Variants in LIPC observed in about 807,000 individuals in gnomAD.
The protein encoded by LIPC is hepatic triacylglycerol lipase.
Under a neutral mutation model 50.7 loss-of-function variants are expected in LIPC, and 44 were observed. The observed-to-expected ratio is 0.87, with a 90% CI of 0.68 to 1.11. The LOEUF (loss-of-function observed/expected upper bound fraction) is 1.11, where lower values mean the gene tolerates loss of function less well. Among genes scored for constraint, LIPC ranks in the 50% most tolerant of loss-of-function variants. The probability of loss-of-function intolerance (pLI) is 0.00; values close to 1 mark genes in which losing one functional copy is unlikely to be tolerated. For missense variants in LIPC, 697 were observed against 648.2 expected (o/e 1.08, Z -0.82); for synonymous variants, 271 against 256.4 (o/e 1.06, Z -0.54).
At chr15:58,470,299 A>G (rs1894747285) in intron 1 of LIPC, among the ~76,000 whole-genome samples, 1 of 152,162 alleles carries the variant, frequency 6.6e-6, no homozygotes, top group South Asian at 2.1e-4. Flanking sequence ...GGTGTTTCCT[A>G]TGTACAAAAC....
intron 1 of LIPC, among the ~76,000 whole-genome samples, chr15:58,508,292 G>A (rs905908216): frequency 6.6e-6 from 1 of 152,072 alleles, no homozygotes; most frequent in Non-Finnish European, 1.5e-5. Context: ...TCTTATTTCA[G>A]CATGTCAAAG....
At chr15:58,515,306 A>G (rs1032183606) in intron 1 of LIPC, among the ~76,000 whole-genome samples, 1 of 152,152 alleles carries the variant, frequency 6.6e-6, no homozygotes, top group Non-Finnish European at 1.5e-5. Context: ...TATTCAGCCT[A>G]CCATAAACTG....
At chr15:58,489,347 G>A (rs1891499966) in intron 1 of LIPC, among the ~76,000 whole-genome samples, 1 of 151,826 alleles carries the variant, frequency 6.6e-6, no homozygotes, top group Non-Finnish European at 1.5e-5. Context: ...CCACGCTATT[G>A]TAGTAGAGTT....
intron 1 of LIPC, among the ~76,000 whole-genome samples, chr15:58,443,885 G>T (rs1228796394): frequency 6.6e-6 from 1 of 152,150 alleles, no homozygotes; most frequent in Non-Finnish European, 1.5e-5. Flanking sequence ...CATTCTCAAG[G>T]GTGGGGAGAG....
At chr15:58,489,218 G>C (rs1046918772) in intron 1 of LIPC, among the ~76,000 whole-genome samples, 2 of 32,652 alleles carry the variant, frequency 6.1e-5, no homozygotes, top group Non-Finnish European at 1.5e-4. Context: ...ATTTTGTTGC[G>C]GGGGCGGGGG....
At chr15:58,443,959 G>T (rs1893595712) in intron 1 of LIPC, among the ~76,000 whole-genome samples, 2 of 152,096 alleles carry the variant, frequency 1.3e-5, no homozygotes, top group South Asian at 4.1e-4. Context: ...TTAGGGTGGG[G>T]CAGAAACAAA....
Position 58,560,844 on chromosome 15 carries a change from C to T in LIPC, c.1052-20C>T, listed in dbSNP as rs751459354. The T allele has an allele frequency of 2.2e-6, 2 of 901,416 alleles. No individual in the cohort carries two copies. Among genetic ancestry groups the T allele is most frequent in the East Asian group, 2.4e-5 (1 of 41,786 alleles). The allele number at this position is 901,416 out of a possible 1,614,324, so 55.8% of individuals were successfully genotyped here. ...CTGCTTAAATTATCTCTCTCTTTCT[C>T]TCTCTGTCTCTCTCTCTAGTTTATC... On this transcript the variant is annotated intron_variant, in intron 6 of 8. Coordinates refer to ENST00000299022, the MANE Select transcript of LIPC (RefSeq NM_000236.3).
intron 1 of LIPC, among the ~76,000 whole-genome samples, chr15:58,470,327 T>C (rs1052325367): frequency 6.6e-6 from 1 of 152,148 alleles, no homozygotes; most frequent in Non-Finnish European, 1.5e-5. Context: ...CAGCTTTTAT[T>C]TTTTATTAGG....
chr15:58,542,660 G>GC lies in LIPC; in HGVS notation c.574+11dup, dbSNP rs1182179209. The GC allele has an allele frequency of 1.2e-5, 19 of 1,574,436 alleles. No individual in the cohort carries two copies. The Admixed American group carries it at 3.2e-4, about 26-fold the overall frequency. ...GATTGGGAGAATCACAGGTAACCAT[G>GC]CCTAATAACTCACACACTGATCTCC... is the stretch of plus-strand genomic sequence containing the variant. On this transcript the variant is annotated intron_variant, in intron 4 of 8. Transcript: ENST00000299022.
chr15:58,567,337 ATGT>A (rs1894419581), intron 8 of LIPC, among the ~76,000 whole-genome samples: 1 of 18,522 alleles, frequency 5.4e-5, no homozygotes, highest in African/African-American at 2.4e-4. Context: ...ATATATATAT[ATGT>A]ATATGTATAT....
At chr15:58,528,631 A>T (rs150093123) in intron 1 of LIPC, among the ~76,000 whole-genome samples, 10 of 152,258 alleles carry the variant, frequency 6.6e-5, no homozygotes, top group African/African-American at 2.2e-4. Flanking sequence ...CAACCTCCCA[A>T]GTAGCTGGGA....
chr15:58,554,191 G>C (rs1893856632), intron 6 of LIPC, among the ~76,000 whole-genome samples: 1 of 152,054 alleles, frequency 6.6e-6, no homozygotes, highest in Admixed American at 6.6e-5. Flanking sequence ...GCACCAGCAG[G>C]GTCCACACAG....
chr15:58,463,951 A>G (rs114503171), intron 1 of LIPC, among the ~76,000 whole-genome samples: 3,159 of 152,332 alleles, frequency 0.021, 103 homozygotes, highest in African/African-American at 0.072. Flanking sequence ...AGATAGTTAC[A>G]TTGATACAAG....
At chr15:58,465,556 C>A (rs1281215643) in intron 1 of LIPC, among the ~76,000 whole-genome samples, 2 of 152,134 alleles carry the variant, frequency 1.3e-5, no homozygotes, top group Non-Finnish European at 2.9e-5. Context: ...AAATGCTCAA[C>A]CAAGGGCAGA....
At position 58,517,391 on chromosome 15, in the gene LIPC, C is replaced by A. The variant is rs559789478; in HGVS notation, c.89-20942C>A. On this transcript the variant is annotated intron_variant, in intron 1 of 8. Coordinates refer to ENST00000299022, the MANE Select transcript of LIPC (RefSeq NM_000236.3). ...GTTGCCATAACACTGCATATCTTCA[C>A]CCAGGAGGGGCGACAGCCCTAAGTC... 2.0e-5 allele frequency among the ~76,000 whole-genome samples: 3 copies of A among 152,370 alleles called. No individual in the cohort carries two copies. In the East Asian group the frequency reaches 5.8e-4, roughly 29 times the overall value.
intron 1 of LIPC, among the ~76,000 whole-genome samples, chr15:58,464,905 G>A (rs1894485281): frequency 6.6e-6 from 1 of 152,160 alleles, no homozygotes; most frequent in Admixed American, 6.5e-5. Flanking sequence ...CCTGGGAGGT[G>A]GAGGTTGCAG....
chr15:58,434,537 A>G (rs767320426), intron 1 of LIPC, among the ~76,000 whole-genome samples: 5 of 152,226 alleles, frequency 3.3e-5, no homozygotes, highest in African/African-American at 4.8e-5. Flanking sequence ...CTGAGGCCGC[A>G]GTGCTCTGTG....
chr15:58,494,886 G>A (rs1230166465), intron 1 of LIPC: 1 of 455,958 alleles, frequency 2.2e-6, no homozygotes, highest in Non-Finnish European at 4.4e-6. Flanking sequence ...TGGTTTTTCT[G>A]TTTTGATTGA....
At chr15:58,501,865 G>A (rs1377912844) in intron 1 of LIPC, among the ~76,000 whole-genome samples, 1 of 152,080 alleles carries the variant, frequency 6.6e-6, no homozygotes, top group Non-Finnish European at 1.5e-5. Context: ...CCACCCTTCA[G>A]GAATGTTCTG....
Sources: allele counts gnomAD v4.1 joint callset (sites outside exome capture counted in the v4.1 genomes callset), GRCh38; gene constraint gnomAD v4.1.1; transcripts MANE v1.5; gene names NCBI Gene and HGNC (gene_info 2026-07-23, HGNC 2026-07-21).